Variants in DOCK9 observed in about 807,000 individuals in gnomAD.
DOCK9 encodes the protein dedicator of cytokinesis 9, also known as dedicator of cytokinesis protein 9.
Under a neutral mutation model 263.3 loss-of-function variants are expected in DOCK9, and 89 were observed. The observed-to-expected ratio is 0.34, with a 90% confidence interval of 0.28 to 0.40. DOCK9 has a LOEUF of 0.40. Ranked by LOEUF, DOCK9 falls within the 10% of genes least tolerant of loss-of-function variation. The probability of loss-of-function intolerance (pLI) is 1.00; values close to 1 mark genes in which losing one functional copy is unlikely to be tolerated. For missense variants in DOCK9, 2,140 were observed against 2,603.4 expected (o/e 0.82, Z 3.87); for synonymous variants, 976 against 973.1 (o/e 1.00, Z -0.06).
At chr13:99,067,544 G>A (rs2041475291) in intron 1 of DOCK9, among the ~76,000 whole-genome samples, 1 of 152,208 alleles carries the variant, frequency 6.6e-6, no homozygotes, top group Non-Finnish European at 1.5e-5. Context: ...GCAGATGGAA[G>A]TGAGCTCCAG....
At chr13:99,086,393 CCCGGCCCGG>C in exon 1 of DOCK9, 1 of 1,063,070 alleles carries the variant, frequency 9.4e-7, no homozygotes, top group Non-Finnish European at 1.1e-6. Flanking sequence ...GCTCCCGCGG[CCCGGCCCGG>C]CCGCGCGGCC....
chr13:99,047,515 T>C (rs1047762565), intron 1 of DOCK9, among the ~76,000 whole-genome samples: 13 of 140,958 alleles, frequency 9.2e-5, no homozygotes, highest in East Asian at 2.3e-4. Context: ...GTGGTTCTAA[T>C]CCTTTTTTTT....
intron 48 of DOCK9, among the ~76,000 whole-genome samples, chr13:98,806,033 T>C (rs1031040013): frequency 6.6e-6 from 1 of 152,364 alleles, no homozygotes; most frequent in African/African-American, 2.4e-5. Flanking sequence ...GTGCTGGTTT[T>C]CTTATTGAAT....
intron 13 of DOCK9, among the ~76,000 whole-genome samples, chr13:98,901,003 C>T (rs926703882): frequency 1.3e-5 from 2 of 152,008 alleles, no homozygotes; most frequent in African/African-American, 4.8e-5. Flanking sequence ...TTTTAAATAA[C>T]TAAAAATATG....
chr13:99,005,347 T>C (rs930770600), intron 1 of DOCK9, among the ~76,000 whole-genome samples: 4 of 152,200 alleles, frequency 2.6e-5, no homozygotes, highest in Non-Finnish European at 4.4e-5. Context: ...TATCTTTAAA[T>C]TATAGAATTT....
chr13:99,008,229 TATA>T (rs1418258152), intron 1 of DOCK9, among the ~76,000 whole-genome samples: 88 of 121,220 alleles, frequency 7.3e-4, no homozygotes, highest in African/African-American at 1.9e-3. Context: ...TATATATATA[TATA>T]TATTTTTTTT....
intron 1 of DOCK9, among the ~76,000 whole-genome samples, chr13:99,039,737 C>T (rs914746720): frequency 3.3e-5 from 5 of 152,152 alleles, no homozygotes; most frequent in African/African-American, 9.6e-5. Context: ...CAACCATCAA[C>T]GCAGTAAAAC....
chr13:98,905,167 G>A (rs941032530), intron 9 of DOCK9, among the ~76,000 whole-genome samples: 1 of 152,150 alleles, frequency 6.6e-6, no homozygotes, highest in African/African-American at 2.4e-5. Context: ...GTGCAAGAAG[G>A]GGAAGAGGAA....
chr13:99,006,391 A>G lies in DOCK9; in HGVS notation c.130-50840T>C, dbSNP rs564198300. Reference sequence around the variant, plus strand: ...TACAAAAATAACTATAGATCCACACAGATTTTTGGGTAAAGATGTCTTCTG... The same window carrying G: ...TACAAAAATAACTATAGATCCACACGGATTTTTGGGTAAAGATGTCTTCTG... On this transcript the variant is annotated intron_variant, in intron 1 of 32. Transcript: ENST00000427887. Among the ~76,000 whole-genome samples the G allele has an allele frequency of 2.0e-5, 3 of 152,354 alleles. No homozygotes were observed. The East Asian group carries it at 5.8e-4, about 29-fold the overall frequency.
At position 98,994,442 on chromosome 13, in the gene DOCK9, G is replaced by A. The variant is rs558464558; in HGVS notation, c.130-38891C>T. On this transcript the variant is annotated intron_variant, in intron 1 of 32. Coordinates refer to the DOCK9 transcript ENST00000427887. ...CAAACATGGTATAATACAGAAACCG[G>A]CCCCCTCAACAAAGAATTATCCAGC... 5.9e-5 allele frequency among the ~76,000 whole-genome samples: 9 copies of A among 152,240 alleles called. No homozygotes were observed. In the East Asian group the frequency reaches 1.5e-3, roughly 26 times the overall value.
chr13:98,970,201 T>C (rs2059600518), intron 1 of DOCK9, among the ~76,000 whole-genome samples: 1 of 152,196 alleles, frequency 6.6e-6, no homozygotes. Flanking sequence ...TCTTGCTATG[T>C]TGCCCAGGCT....
chr13:98,920,658 T>A lies in DOCK9; in HGVS notation c.717+296A>T, dbSNP rs142377247. Among the ~76,000 whole-genome samples, 622 of 152,346 alleles carry A rather than the reference T, an allele frequency of 4.1e-3. 5 individuals are homozygous for A. The highest frequency in any genetic ancestry group is 0.014 in the African/African-American group (587 of 41,582). On this transcript the variant is annotated intron_variant, in intron 7 of 52. Transcript: ENST00000682017. Reference sequence around the variant, plus strand: ...GCACTGATTCATCCAATGTACTCATTTGCCGTATTAAAGAAACATTCTCAT... The same window carrying A: ...GCACTGATTCATCCAATGTACTCATATGCCGTATTAAAGAAACATTCTCAT...
At chr13:98,969,607 A>G (rs953798340) in intron 1 of DOCK9, among the ~76,000 whole-genome samples, 1 of 152,240 alleles carries the variant, frequency 6.6e-6, no homozygotes, top group Non-Finnish European at 1.5e-5. Context: ...GATGCCTGAC[A>G]ACAAGCTGGA....
At chr13:98,942,993 G>A (rs12872448) in intron 2 of DOCK9, among the ~76,000 whole-genome samples, 30,681 of 152,196 alleles carry the variant, frequency 0.2, 3,640 homozygotes, top group African/African-American at 0.33. Flanking sequence ...CGATACACCA[G>A]TGAACTTTCC....
At chr13:99,007,041 A>C (rs923402915) in intron 1 of DOCK9, among the ~76,000 whole-genome samples, 19 of 152,260 alleles carry the variant, frequency 1.2e-4, no homozygotes, top group African/African-American at 4.6e-4. Context: ...TTAGTGAGCC[A>C]AGATTGCACC....
In DOCK9 at chr13:98,881,908, C is replaced by A. The variant is rs768476143; in HGVS notation, c.2659G>T (p.Ala887Ser). ...VLTRATQEEV[A>S]VNVTRVIIHV... ...CTCCCTTACCGAGTCACGTTAACCG[C>A]GACTTCTTCCTGTGTGGCTCTGGTG... The change falls in exon 24 of 53, where the codon GCG becomes TCG. Residue 887 changes from alanine to serine, a missense_variant. Ala to Ser is a moderately conservative substitution (Grantham distance 99). Coordinates refer to ENST00000682017, the MANE Select transcript of DOCK9 (RefSeq NM_001366683.2). 2 of 1,583,154 alleles carry A rather than the reference C, an allele frequency of 1.3e-6. No homozygotes were observed. The highest frequency in any genetic ancestry group is 1.7e-6 in the Non-Finnish European group (2 of 1,164,142).
chr13:98,979,229 T>TAGTAGTAGCAGCAGCAGCAGC (rs1555439294), upstream of DOCK9, among the ~76,000 whole-genome samples: 86 of 125,068 alleles, frequency 6.9e-4, no homozygotes, highest in South Asian at 5.8e-3. Flanking sequence ...GTAGTAGTAG[T>TAGTAGTAGCAGCAGCAGCAGC]AGCAGCAGCG....
At chr13:98,796,353 GC>G in intron 52 of DOCK9, 1 of 709,496 alleles carries the variant, frequency 1.4e-6, no homozygotes, top group Non-Finnish European at 2.5e-6. Flanking sequence ...CTTCCACTGT[GC>G]CAGACTGAAG....
At chr13:99,083,793 T>C (rs1399602415) in intron 1 of DOCK9, among the ~76,000 whole-genome samples, 3 of 146,398 alleles carry the variant, frequency 2.0e-5, no homozygotes, top group African/African-American at 5.0e-5. Context: ...TATCATCCAC[T>C]GAACTATTTC....
Sources: gnomAD v4.1 joint callset for allele counts (sites outside exome capture counted in the v4.1 genomes callset) on GRCh38, gnomAD v4.1.1 for gene constraint, MANE v1.5 for transcripts, NCBI Gene and HGNC (gene_info 2026-07-23, HGNC 2026-07-21) for gene names.